Variants in PLCG2 observed in about 807,000 individuals in gnomAD.
PLCG2 encodes the protein 1-phosphatidylinositol 4,5-bisphosphate phosphodiesterase gamma-2.
PLCG2 carries 69 observed loss-of-function variants against 175.6 expected under a neutral mutation model. The observed-to-expected ratio is 0.39, with a 90% CI of 0.32 to 0.48. The LOEUF (loss-of-function observed/expected upper bound fraction) is 0.48. PLCG2 is among the 20% of genes least tolerant of loss of function. The pLI is 0.91. For missense variants in PLCG2, 1,798 were observed against 1,650.9 expected (o/e 1.09, Z -1.54); for synonymous variants, 827 against 624.0 (o/e 1.33, Z -4.85).
chr16:81,830,683 C>CAG (rs1427604628), intron 2 of PLCG2, among the ~76,000 whole-genome samples: 1 of 151,316 alleles, frequency 6.6e-6, no homozygotes, highest in Non-Finnish European at 1.5e-5. Context: ...TATATATACA[C>CAG]ACATATATTT....
At chr16:81,943,648 C>T (rs1030541194) in intron 30 of PLCG2, among the ~76,000 whole-genome samples, 21 of 152,188 alleles carry the variant, frequency 1.4e-4, no homozygotes, top group African/African-American at 5.1e-4. Flanking sequence ...AAGTCAGAAT[C>T]TGCATTTTAA....
chr16:81,868,187 C>T (rs1478334452), intron 5 of PLCG2, among the ~76,000 whole-genome samples: 1 of 152,168 alleles, frequency 6.6e-6, no homozygotes, highest in Admixed American at 6.5e-5. Context: ...GGGGGTCAAC[C>T]ATGTGTACTT....
chr16:81,769,522 A>G (rs1320675311), intron 2 of PLCG2, among the ~76,000 whole-genome samples: 1 of 152,114 alleles, frequency 6.6e-6, no homozygotes, highest in Non-Finnish European at 1.5e-5. Context: ...TAGGTCTTGA[A>G]AAAGACATGG....
intron 5 of PLCG2, among the ~76,000 whole-genome samples, chr16:81,868,943 A>G (rs1268286388): frequency 6.6e-6 from 1 of 152,160 alleles, no homozygotes; most frequent in African/African-American, 2.4e-5. Flanking sequence ...GACATACCTG[A>G]AGGGTGGAGA....
rs1567551867 is a variant in PLCG2, at chr16:81,961,032, T to C, written c.*3034T>C. 8.6e-6 allele frequency: 2 copies of C among 231,262 alleles called. No individual in the cohort carries two copies. The highest frequency in any genetic ancestry group is 1.7e-5 in the Non-Finnish European group (2 of 116,866). The allele number at this position is 231,262 out of a possible 1,614,324, so 14.3% of individuals were successfully genotyped here. A position where few individuals can be genotyped will look rare whatever the true frequency, so the allele number is the denominator to read the frequency against. ...ATTCAAAATGTGGATATTTGGAAAG[T>C]GAAAGACTTATCAACAGGGCACAAA... On this transcript the variant is annotated 3_prime_UTR_variant, in exon 33 of 33. Transcript: ENST00000564138.
Position 81,928,641 on chromosome 16 carries a change from T to A in PLCG2, c.2581+17T>A. The A allele has an allele frequency of 6.4e-7, 1 of 1,566,520 alleles. No homozygotes were observed. The highest frequency in any genetic ancestry group is 8.8e-7 in the Non-Finnish European group (1 of 1,136,682). ...ATAACGTCGGTACGTGCACACATCATCTTAGCCTGGATTTCCACCCCTATC... is the reference window on the plus strand; with the variant it reads ...ATAACGTCGGTACGTGCACACATCAACTTAGCCTGGATTTCCACCCCTATC... On this transcript the variant is annotated intron_variant, in intron 24 of 32. Coordinates refer to ENST00000564138, the MANE Select transcript of PLCG2 (RefSeq NM_002661.5).
At chr16:81,858,224 G>C (rs1397727024) in intron 3 of PLCG2, 39 bp from the exon 4 acceptor site, 1 of 1,389,588 alleles carries the variant, frequency 7.2e-7, no homozygotes, top group Admixed American at 1.7e-5. Flanking sequence ...GTCTTCCCAG[G>C]AATTAACACA....
rs576995309 is a variant in PLCG2 at position 81,907,338 on chromosome 16, A to G, written c.1468-347A>G. ...AAAGAAGTCATTAAGCCACAAATAA[A>G]TATTGAACGTAAGGTCTCCAGACAA... On this transcript the variant is annotated intron_variant, in intron 15 of 32. Transcript: ENST00000564138. 3.3e-5 allele frequency among the ~76,000 whole-genome samples: 5 copies of G among 152,244 alleles called. No homozygotes were observed. In the South Asian group the frequency reaches 1.0e-3, roughly 32 times the overall value.
intron 5 of PLCG2, among the ~76,000 whole-genome samples, chr16:81,861,870 A>G (rs1906998070): frequency 6.6e-6 from 1 of 152,170 alleles, no homozygotes; most frequent in African/African-American, 2.4e-5. Flanking sequence ...CAAGTCCTGC[A>G]TAGAGATCCA....
chr16:81,900,509 G>A lies in PLCG2; in HGVS notation c.1194-103G>A, dbSNP rs528423897. 8.4e-4 allele frequency: 863 copies of A among 1,026,918 alleles called. 2 individuals carry two copies. Among genetic ancestry groups the A allele is most frequent in the Non-Finnish European group, 1.1e-3 (764 of 725,598 alleles). 63.6% of individuals were successfully genotyped at this position (1,026,918 alleles called of 1,614,324 possible). ...GTGGGGGTTGTGCCCCCCGAGCAGC[G>A]CCCGGTTTCTGTCGTCCCAGGGAGC... On this transcript the variant is annotated intron_variant, in intron 13 of 32. Transcript: ENST00000564138.
chr16:81,763,319 C>T (rs936724378), intron 2 of PLCG2, among the ~76,000 whole-genome samples: 15 of 152,180 alleles, frequency 9.9e-5, no homozygotes, highest in African/African-American at 3.6e-4. Context: ...AATGCAGTGG[C>T]CTAAAGCAAC....
intron 21 of PLCG2, among the ~76,000 whole-genome samples, chr16:81,922,247 T>C (rs966630245): frequency 6.6e-6 from 1 of 152,224 alleles, no homozygotes; most frequent in African/African-American, 2.4e-5. Flanking sequence ...TCATGCACTA[T>C]GGCACTAACT....
intron 31 of PLCG2, among the ~76,000 whole-genome samples, chr16:81,949,470 G>A (rs992692664): frequency 6.6e-6 from 1 of 152,184 alleles, no homozygotes; most frequent in Non-Finnish European, 1.5e-5. Flanking sequence ...CTCCCAAAGT[G>A]GGTAGAATGT....
chr16:81,822,341 T>C (rs1904836431), intron 2 of PLCG2, among the ~76,000 whole-genome samples: 1 of 152,166 alleles, frequency 6.6e-6, no homozygotes, highest in Non-Finnish European at 1.5e-5. Flanking sequence ...CCCCGGAACC[T>C]GTGGGTATGT....
At chr16:81,764,719 A>G (rs1312295837) in intron 2 of PLCG2, among the ~76,000 whole-genome samples, 1 of 152,190 alleles carries the variant, frequency 6.6e-6, no homozygotes, top group African/African-American at 2.4e-5. Context: ...GAACCTCAGA[A>G]CATAGCTGTA....
intron 2 of PLCG2, among the ~76,000 whole-genome samples, chr16:81,793,567 CTCTG>C (rs779451776): frequency 1.6e-4 from 25 of 152,176 alleles, no homozygotes; most frequent in Non-Finnish European, 3.1e-4. Flanking sequence ...GGCATATCTT[CTCTG>C]TCTGCTTATT....
At chr16:81,882,912 C>T (rs1191988367) in intron 8 of PLCG2, among the ~76,000 whole-genome samples, 5 of 152,072 alleles carry the variant, frequency 3.3e-5, no homozygotes, top group African/African-American at 2.4e-5. Context: ...TCCCTTCCCA[C>T]CCTCATCTCT....
At chr16:81,807,249 C>T (rs1904285425) in intron 2 of PLCG2, among the ~76,000 whole-genome samples, 1 of 152,130 alleles carries the variant, frequency 6.6e-6, no homozygotes, top group South Asian at 2.1e-4. Context: ...AGAGGGAGGT[C>T]AGCTCTGGGA....
chr16:81,956,894 C>G lies in PLCG2; in HGVS notation c.3755+15C>G. The G allele has an allele frequency of 6.2e-7, 1 of 1,607,690 alleles. No individual in the cohort carries two copies. The highest frequency in any genetic ancestry group is 1.1e-5 in the South Asian group (1 of 90,578). ...TGCAACAAGAGGTAGGTCAGCCCCT[C>G]CACCTGCAAAAACTTTTGGGGGGTC... On this transcript the variant is annotated intron_variant, in intron 32 of 32. Transcript: ENST00000564138.
Sources: allele counts gnomAD v4.1 joint callset (sites outside exome capture counted in the v4.1 genomes callset), GRCh38; gene constraint gnomAD v4.1.1; transcripts MANE v1.5; gene names NCBI Gene and HGNC (gene_info 2026-07-23, HGNC 2026-07-21).